SHROOM3: variants seen among roughly 807,000 people sequenced by gnomAD.
SHROOM3 encodes the protein shroom family member 3.
Under a neutral mutation model 138.6 loss-of-function variants are expected in SHROOM3, and 47 were observed. The observed-to-expected ratio is 0.34, with a 90% CI of 0.27 to 0.43. The LOEUF (loss-of-function observed/expected upper bound fraction) is 0.43. Among genes scored for constraint, SHROOM3 ranks in the 20% least tolerant of loss-of-function variants. The pLI is 1.00. For synonymous variants in SHROOM3, 1,062 were observed against 1,063.3 expected (o/e 1.00, Z 0.02); for missense variants, 2,491 against 2,596.5 (o/e 0.96, Z 0.88).
At chr4:76,614,553 A>T (rs1273983503) in intron 2 of SHROOM3, among the ~76,000 whole-genome samples, 1 of 152,162 alleles carries the variant, frequency 6.6e-6, no homozygotes, top group African/African-American at 2.4e-5. Flanking sequence ...TATATGTGCC[A>T]TGGTGGTCTG....
chr4:76,624,948 A>T (rs893661425), intron 2 of SHROOM3, among the ~76,000 whole-genome samples: 1 of 152,216 alleles, frequency 6.6e-6, no homozygotes, highest in Non-Finnish European at 1.5e-5. Context: ...TTGTTTCTTC[A>T]TTAACCTCAG....
At chr4:76,654,417 G>A (rs1243372034) in intron 2 of SHROOM3, among the ~76,000 whole-genome samples, 1 of 151,964 alleles carries the variant, frequency 6.6e-6, no homozygotes, top group East Asian at 1.9e-4. Context: ...ACCTCTACTG[G>A]CTGGACTCAA....
At chr4:76,584,043 G>A (rs146669795) in intron 2 of SHROOM3, among the ~76,000 whole-genome samples, 230 of 152,288 alleles carry the variant, frequency 1.5e-3, no homozygotes, top group African/African-American at 5.3e-3. Context: ...GGCTGGGTAC[G>A]GCGGCTCACG....
chr4:76,756,352 C>T (rs1721809372), intron 7 of SHROOM3, 97 bp from the exon 8 acceptor site: 1 of 1,414,736 alleles, frequency 7.1e-7, no homozygotes, highest in Admixed American at 2.0e-5. Flanking sequence ...GAAAGCTTCT[C>T]CCTCAGTCTT....
chr4:76,481,236 A>G (rs1480752072), intron 1 of SHROOM3, among the ~76,000 whole-genome samples: 3 of 152,174 alleles, frequency 2.0e-5, no homozygotes, highest in African/African-American at 7.2e-5. Context: ...TGCTAGCCAG[A>G]CTAATAAAGA....
At chr4:76,477,153 G>C (rs1731501786) in intron 1 of SHROOM3, among the ~76,000 whole-genome samples, 1 of 152,086 alleles carries the variant, frequency 6.6e-6, no homozygotes, top group Admixed American at 6.6e-5. Context: ...ATTTTTAGTA[G>C]AGATGGGGTT....
At chr4:76,472,349 T>C (rs1425139857) in intron 1 of SHROOM3, among the ~76,000 whole-genome samples, 1 of 152,250 alleles carries the variant, frequency 6.6e-6, no homozygotes, top group Non-Finnish European at 1.5e-5. Context: ...ATATTTGTTA[T>C]CAAATATTAT....
chr4:76,650,812 G>C (rs1202174643), intron 2 of SHROOM3, among the ~76,000 whole-genome samples: 1 of 152,040 alleles, frequency 6.6e-6, no homozygotes, highest in Non-Finnish European at 1.5e-5. Flanking sequence ...CAAAGTGCTG[G>C]GATTATAGGC....
rs144518459 is a variant in SHROOM3 at position 76,739,421 on chromosome 4, G to A, written c.1248G>A (p.Gln416=). Residue 416 remains glutamine, a synonymous_variant, in exon 5 of 11, where the codon CAG becomes CAA. Coordinates refer to ENST00000296043, the MANE Select transcript of SHROOM3 (RefSeq NM_020859.4). The stretch of plus-strand genomic sequence containing the variant: ...ATCAGAAACGGCTCTGCCGGCCTCA[G>A]GCAAACTCTTTAGGCTCCCTGAAGT... ...SLDQKRLCRP[Q]ANSLGSLKSP... The A allele has an allele frequency of 6.2e-7, 1 of 1,614,138 alleles. No individual in the cohort carries two copies. Among genetic ancestry groups the A allele is most frequent in the Non-Finnish European group, 8.5e-7 (1 of 1,180,040 alleles).
Position 76,754,368 on chromosome 4 carries a change from C to T in SHROOM3, c.3885C>T (p.Leu1295=). The T allele has an allele frequency of 1.2e-6, 2 of 1,614,172 alleles. No individual in the cohort carries two copies. Among genetic ancestry groups the T allele is most frequent in the Non-Finnish European group, 1.7e-6 (2 of 1,180,030 alleles). The part of the protein sequence containing the change: ...QEEMLPLFHH[L]TPRWGGSGCK... ...AGATGCTGCCGCTCTTCCACCATCT[C>T]ACCCCTCGTTGGGGTGGTTCAGGCT... is the stretch of plus-strand genomic sequence containing the variant. The change falls in exon 7 of 11, where the codon CTC becomes CTT. Residue 1295 remains leucine (L), a synonymous_variant. Transcript: ENST00000296043.
intron 1 of SHROOM3, among the ~76,000 whole-genome samples, chr4:76,538,569 A>G (rs928908047): frequency 2.2e-4 from 33 of 152,356 alleles, no homozygotes; most frequent in African/African-American, 7.9e-4. Context: ...ACAAGGAAGC[A>G]TGGCAGGTAG....
intron 10 of SHROOM3, among the ~76,000 whole-genome samples, chr4:76,774,708 G>T (rs1295443837): frequency 7.5e-6 from 1 of 133,448 alleles, no homozygotes; most frequent in African/African-American, 2.7e-5. Flanking sequence ...GGTTTTTTGG[G>T]GTTTTTTTTT....
At chr4:76,577,348 T>C (rs1158108249) in intron 2 of SHROOM3, among the ~76,000 whole-genome samples, 1 of 152,224 alleles carries the variant, frequency 6.6e-6, no homozygotes, top group Non-Finnish European at 1.5e-5. Flanking sequence ...TTGTTTACTC[T>C]TTACTGTGTA....
intron 1 of SHROOM3, among the ~76,000 whole-genome samples, chr4:76,528,734 A>G (rs1002249681): frequency 1.3e-5 from 2 of 151,978 alleles, no homozygotes; most frequent in African/African-American, 4.8e-5. Context: ...TGTATTTATT[A>G]GTAGAGATGG....
intron 9 of SHROOM3, among the ~76,000 whole-genome samples, chr4:76,766,653 G>C (rs530573204): frequency 6.6e-6 from 1 of 152,142 alleles, no homozygotes; most frequent in Non-Finnish European, 1.5e-5. Context: ...AGGTTTTTTG[G>C]AAGAGATCTG....
At chr4:76,676,944 CAA>C (rs58270392) in intron 2 of SHROOM3, among the ~76,000 whole-genome samples, 10 of 79,040 alleles carry the variant, frequency 1.3e-4, no homozygotes, top group African/African-American at 1.7e-4. Context: ...CTCCGTCTCA[CAA>C]AAAAAAAAAA....
At chr4:76,640,946 A>C (rs1211271830) in intron 2 of SHROOM3, among the ~76,000 whole-genome samples, 1 of 152,188 alleles carries the variant, frequency 6.6e-6, no homozygotes, top group Non-Finnish European at 1.5e-5. Context: ...AAGGGGCTGC[A>C]TGCATACATA....
chr4:76,522,717 G>A (rs1299572183), intron 1 of SHROOM3, among the ~76,000 whole-genome samples: 1 of 152,160 alleles, frequency 6.6e-6, no homozygotes, highest in African/African-American at 2.4e-5. Context: ...GAACCTGGGA[G>A]GCAGAGGTTG....
At chr4:76,725,920 A>G (rs144041007) in intron 3 of SHROOM3, among the ~76,000 whole-genome samples, 1 of 152,210 alleles carries the variant, frequency 6.6e-6, no homozygotes, top group Non-Finnish European at 1.5e-5. Context: ...TCTCATTTAA[A>G]ACAAAAACAT....
Sources: allele counts gnomAD v4.1 joint callset (sites outside exome capture counted in the v4.1 genomes callset), GRCh38; gene constraint gnomAD v4.1.1; transcripts MANE v1.5; gene names NCBI Gene and HGNC (gene_info 2026-07-23, HGNC 2026-07-21).